TMEM127: variants seen among roughly 807,000 people sequenced by gnomAD.
TMEM127 encodes transmembrane protein 127.
Under a neutral mutation model 20.1 loss-of-function variants are expected in TMEM127, and 21 were observed. The ratio of observed to expected loss-of-function variants is 1.04; its 90% confidence interval spans 0.74 to 1.50. The LOEUF (loss-of-function observed/expected upper bound fraction) is 1.50, where lower values mean the gene tolerates loss of function less well. Ranked by LOEUF, TMEM127 falls within the 40% of genes most tolerant of loss-of-function variation. The pLI is 0.00. For synonymous variants in TMEM127, 150 were observed against 144.7 expected (o/e 1.04, Z -0.26); for missense variants, 303 against 317.4 (o/e 0.95, Z 0.34).
At chr2:96,260,607 A>G (rs1181359838) in intron 2 of TMEM127, 1 of 152,256 alleles carries the variant, frequency 6.6e-6, no homozygotes, top group Non-Finnish European at 1.5e-5. Flanking sequence ...ACTTTGCTCA[A>G]GGTCACTGGT....
chr2:96,261,651 T>C (rs1399351777), intron 2 of TMEM127, among the ~76,000 whole-genome samples: 6 of 152,180 alleles, frequency 3.9e-5, no homozygotes, highest in Non-Finnish European at 2.9e-5. Context: ...CAGGCAGCTT[T>C]GATGGGAAAT....
Position 96,253,874 on chromosome 2 carries a change from G to C in TMEM127, c.651C>G (p.Asn217Lys), listed in dbSNP as rs759801591. The C allele has an allele frequency of 6.2e-7, 1 of 1,614,082 alleles. No individual in the cohort carries two copies. Among genetic ancestry groups the C allele is most frequent in the Non-Finnish European group, 8.5e-7 (1 of 1,179,998 alleles). Residue 217 changes from asparagine (N) to lysine (K), a missense_variant, in exon 4 of 4, where the codon AAC (asparagine) becomes AAG (lysine). Asn to Lys is a moderately conservative substitution (Grantham distance 94). Coordinates refer to ENST00000258439, the MANE Select transcript of TMEM127 (RefSeq NM_017849.4). The surrounding 1 kb of genome is among the most constrained non-coding windows in gnomAD (Gnocchi z 4.3). ...ALELLSEMEENEPYPAEYEVI... is the reference protein window; with the variant it reads ...ALELLSEMEEKEPYPAEYEVI... ...CCTCATATTCCGCCGGGTAGGGCTC[G>C]TTCTCTTCCATCTCTGAGAGCAGCT...
In TMEM127 at chr2:96,253,604, C is replaced by T. The variant is rs189703494; in HGVS notation, c.*204G>A. ...AGGATGTGGCAGGAGGGAAAGAGTACATTATAGAAAACCAGTGGACCTCCG... is the reference window on the plus strand; with the variant it reads ...AGGATGTGGCAGGAGGGAAAGAGTATATTATAGAAAACCAGTGGACCTCCG... On this transcript the variant is annotated 3_prime_UTR_variant, in exon 4 of 4. Coordinates refer to ENST00000258439, the MANE Select transcript of TMEM127 (RefSeq NM_017849.4). This position sits in a 1 kb window ranked among gnomAD's most constrained non-coding sequence, Gnocchi z 4.3. 2 of 605,918 alleles carry T rather than the reference C, an allele frequency of 3.3e-6. No individual in the cohort carries two copies. The highest frequency in any genetic ancestry group is 4.3e-5 in the South Asian group (2 of 46,798). 37.5% of individuals were successfully genotyped at this position (605,918 alleles called of 1,614,324 possible).
chr2:96,262,262 TAAA>T (rs571622935), intron 2 of TMEM127, among the ~76,000 whole-genome samples: 2 of 132,968 alleles, frequency 1.5e-5, no homozygotes, highest in Admixed American at 7.6e-5. Context: ...CTGTCTCATT[TAAA>T]AAAAAAAAAA....
rs558994900 is a variant in TMEM127, at chr2:96,254,692, T to C, written c.409+141A>G. ...GAGCAGGCTGCTGACACCCTGACAC[T>C]CTGGGAAAGACTGGAGCTTGGCACA... On this transcript the variant is annotated intron_variant, in intron 3 of 3. Coordinates refer to ENST00000258439, the MANE Select transcript of TMEM127 (RefSeq NM_017849.4). 1.2e-4 allele frequency: 137 copies of C among 1,148,542 alleles called. 1 individual carries two copies. In the East Asian group the frequency reaches 2.8e-3, roughly 24 times the overall value. The allele number at this position is 1,148,542 out of a possible 1,614,324, so 71.1% of individuals were successfully genotyped here. A position where few individuals can be genotyped will look rare whatever the true frequency, so the allele number is the denominator to read the frequency against.
Position 96,265,355 on chromosome 2 carries a change from C to A in TMEM127, c.27G>T (p.Leu9=). The A allele has an allele frequency of 6.1e-6, 9 of 1,482,438 alleles. No homozygotes were observed. The highest frequency in any genetic ancestry group is 8.0e-6 in the Non-Finnish European group (9 of 1,123,248). 91.8% of individuals were successfully genotyped at this position (1,482,438 alleles called of 1,614,324 possible). The stretch of plus-strand genomic sequence containing the variant: ...GGCTCCTCCGCCGGCGCCCGCCGGG[C>A]AGCCCTGCGCCTCCGGGGGCGTACA... MYAPGGAG[L]PGGRRRRSPG... Residue 9 remains leucine (L), a synonymous_variant, in exon 2 of 4, where the codon CTG becomes CTT. Transcript: ENST00000258439.
intron 3 of TMEM127, 64 bp from the exon 4 acceptor site, chr2:96,254,179 G>A (rs1373588828): frequency 2.6e-5 from 41 of 1,596,758 alleles, no homozygotes; most frequent in Non-Finnish European, 5.1e-6. Context: ...GGATGCTTGA[G>A]GACCCAATCA....
In TMEM127 at chr2:96,252,688, A is replaced by G. The variant is rs908371539; in HGVS notation, c.*1120T>C. 4.3e-6 allele frequency: 1 copy of G among 233,764 alleles called. No homozygotes were observed. The highest frequency in any genetic ancestry group is 8.5e-6 in the Non-Finnish European group (1 of 118,228). The allele number at this position is 233,764 out of a possible 1,614,324, so 14.5% of individuals were successfully genotyped here. On this transcript the variant is annotated 3_prime_UTR_variant, in exon 4 of 4. Coordinates refer to ENST00000258439, the MANE Select transcript of TMEM127 (RefSeq NM_017849.4). This position sits in a 1 kb window ranked among gnomAD's most constrained non-coding sequence, Gnocchi z 4.2. ...ATGTGGCCCCACTGGTTGTATTCCT[A>G]TGTGGAGGGTGGTGGGTTCCTGCCC...
chr2:96,265,005 G>C, intron 2 of TMEM127, 133 bp downstream of exon 2: 2 of 1,439,782 alleles, frequency 1.4e-6, no homozygotes, highest in Non-Finnish European at 1.9e-6. Flanking sequence ...GAGCCACCTG[G>C]TGGGCATGAA....
chr2:96,255,176 T>A (rs921648129), intron 2 of TMEM127, among the ~76,000 whole-genome samples, 179 bp from the exon 3 acceptor site: 1 of 152,198 alleles, frequency 6.6e-6, no homozygotes, highest in Non-Finnish European at 1.5e-5. Context: ...AATTCCACAT[T>A]AGCAGAGGCC....
In TMEM127 at chr2:96,265,520, G is replaced by A; in HGVS notation, c.-131-8C>T. On this transcript the variant is annotated splice_polypyrimidine_tract_variant and splice_region_variant and intron_variant, in intron 1 of 3. Transcript: ENST00000258439. ...GGTGAAGCCGGGACTGGGCTGTCAGGGTTGACACCAGAGGATAGGGGGGTG... is the reference window on the plus strand; with the variant it reads ...GGTGAAGCCGGGACTGGGCTGTCAGAGTTGACACCAGAGGATAGGGGGGTG... 1 of 1,151,960 alleles carries A rather than the reference G, an allele frequency of 8.7e-7. No individual in the cohort carries two copies. The highest frequency in any genetic ancestry group is 1.1e-6 in the Non-Finnish European group (1 of 909,666). The allele number at this position is 1,151,960 out of a possible 1,614,324, so 71.4% of individuals were successfully genotyped here. A position where few individuals can be genotyped will look rare whatever the true frequency, so the allele number is the denominator to read the frequency against.
intron 2 of TMEM127, among the ~76,000 whole-genome samples, chr2:96,262,167 G>A (rs1216890789): frequency 1.3e-5 from 2 of 151,922 alleles, no homozygotes; most frequent in East Asian, 3.9e-4. Context: ...GCTGAGACAG[G>A]AGAATTGCTT....
chr2:96,253,704 G>T lies in TMEM127; in HGVS notation c.*104C>A. On this transcript the variant is annotated 3_prime_UTR_variant, in exon 4 of 4. Transcript: ENST00000258439. The surrounding 1 kb of genome is among the most constrained non-coding windows in gnomAD (Gnocchi z 4.3). ...GGGGAAGGTTTGGAGAAGATGGTCA[G>T]GATCCTACCAGTGAGGCCTGCTGGG... is the stretch of plus-strand genomic sequence containing the variant. 1 of 1,301,174 alleles carries T rather than the reference G, an allele frequency of 7.7e-7. No individual in the cohort carries two copies. 80.6% of individuals were successfully genotyped at this position (1,301,174 alleles called of 1,614,324 possible).
At chr2:96,258,311 G>GA (rs531629712) in intron 2 of TMEM127, among the ~76,000 whole-genome samples, 397 of 152,316 alleles carry the variant, frequency 2.6e-3, no homozygotes, top group African/African-American at 9.1e-3. Context: ...ACTGATGGGG[G>GA]AAAGTCCAGG....
At position 96,253,922 on chromosome 2, in the gene TMEM127, T is replaced by C. The variant is rs1270359170; in HGVS notation, c.603A>G (p.Thr201=). ...TAANLLRHYP[T]EEEEQALELL... Reference sequence around the variant, plus strand: ...GCTCCAGCGCCTGCTCCTCTTCCTCTGTGGGGTAGTGGCGCAGGAGGTTGG... The same window carrying C: ...GCTCCAGCGCCTGCTCCTCTTCCTCCGTGGGGTAGTGGCGCAGGAGGTTGG... Residue 201 remains threonine (T), a synonymous_variant, in exon 4 of 4, where the codon ACA becomes ACG. Transcript: ENST00000258439. The surrounding 1 kb of genome is among the most constrained non-coding windows in gnomAD (Gnocchi z 4.3). 2 of 1,614,004 alleles carry C rather than the reference T, an allele frequency of 1.2e-6. No homozygotes were observed. The highest frequency in any genetic ancestry group is 2.2e-5 in the East Asian group (1 of 44,876).
chr2:96,249,085 G>A lies in TMEM127; in HGVS notation c.*4723C>T, dbSNP rs2104269187. 3 of 229,238 alleles carry A rather than the reference G, an allele frequency of 1.3e-5. No individual in the cohort carries two copies. Among genetic ancestry groups the A allele is most frequent in the South Asian group, 3.9e-4 (2 of 5,192 alleles). The allele number at this position is 229,238 out of a possible 1,614,324, so 14.2% of individuals were successfully genotyped here. A position where few individuals can be genotyped will look rare whatever the true frequency, so the allele number is the denominator to read the frequency against. ...CTTATGGTGAGGAACCTGTGTGTGT[G>A]TGTGTGGTGTGTGTGTGTGTGTGTG... On this transcript the variant is annotated 3_prime_UTR_variant, in exon 4 of 4. Transcript: ENST00000258439.
At chr2:96,254,163 C>T (rs757702824) in intron 3 of TMEM127, 48 bp from the exon 4 acceptor site, 33 of 1,605,704 alleles carry the variant, frequency 2.1e-5, no homozygotes, top group Non-Finnish European at 2.6e-5. Context: ...GAGCACTCCA[C>T]AGCTAGGATG....
chr2:96,249,652 G>A lies in TMEM127; in HGVS notation c.*4156C>T. The A allele has an allele frequency of 4.3e-6, 1 of 232,854 alleles. No homozygotes were observed. The highest frequency in any genetic ancestry group is 8.5e-6 in the Non-Finnish European group (1 of 117,778). The allele number at this position is 232,854 out of a possible 1,614,324, so 14.4% of individuals were successfully genotyped here. On this transcript the variant is annotated 3_prime_UTR_variant, in exon 4 of 4. Coordinates refer to ENST00000258439, the MANE Select transcript of TMEM127 (RefSeq NM_017849.4). ...CAAACCTCCTGCCTCCCATTAAAAT[G>A]TCACTCCCCCCAAAAAATGCAGAGG...
intron 2 of TMEM127, among the ~76,000 whole-genome samples, chr2:96,261,600 C>T (rs1388655257): frequency 6.6e-6 from 1 of 152,194 alleles, no homozygotes; most frequent in African/African-American, 2.4e-5. Flanking sequence ...TTTGGCTGGG[C>T]TTATGATAAA....
Sources: allele counts gnomAD v4.1 joint callset (sites outside exome capture counted in the v4.1 genomes callset), GRCh38; gene constraint gnomAD v4.1.1; non-coding constraint Gnocchi (gnomAD v3.1); transcripts MANE v1.5; gene names NCBI Gene and HGNC (gene_info 2026-07-23, HGNC 2026-07-21).